RTTN: variants seen among roughly 807,000 people sequenced by gnomAD.
The protein encoded by RTTN is rotatin.
Under a neutral mutation model 269.2 loss-of-function variants are expected in RTTN, and 182 were observed. The observed-to-expected ratio is 0.68, with a 90% CI of 0.60 to 0.76. The LOEUF (loss-of-function observed/expected upper bound fraction) is 0.76. Among genes scored for constraint, RTTN ranks in the 30% least tolerant of loss-of-function variants. The pLI is 0.00. For missense variants in RTTN, 2,545 were observed against 2,608.6 expected, an observed-to-expected ratio of 0.98 and a Z score of 0.53; for synonymous variants, 1,006 against 963.5, an observed-to-expected ratio of 1.04 and a Z score of -0.82.
At chr18:70,104,197 T>C (rs2059258704) in intron 28 of RTTN, among the ~76,000 whole-genome samples, 2 of 152,234 alleles carry the variant, frequency 1.3e-5, no homozygotes, top group Admixed American at 6.5e-5. Context: ...CTTTTTATTC[T>C]TTTTTCTCTA....
At chr18:70,109,744 A>G (rs1205405849) in intron 27 of RTTN, 27 bp from the exon 28 acceptor site, 6 of 1,589,972 alleles carry the variant, frequency 3.8e-6, no homozygotes, top group Non-Finnish European at 4.3e-6. Flanking sequence ...GGGAAAATCA[A>G]CCACCAAGAA....
At chr18:70,005,408 A>AAAGAAAAG in intron 47 of RTTN, 141 bp from the exon 48 acceptor site, 1 of 529,126 alleles carries the variant, frequency 1.9e-6, no homozygotes, top group Non-Finnish European at 3.3e-6. Context: ...CCATCTTAGC[A>AAAGAAAAG]TAATACATCC....
chr18:70,138,813 T>G (rs1971947340), intron 21 of RTTN: 1 of 152,140 alleles, frequency 6.6e-6, no homozygotes, highest in South Asian at 2.1e-4. Context: ...ATAACATATT[T>G]TGAACATAAA....
intron 35 of RTTN, among the ~76,000 whole-genome samples, chr18:70,062,076 T>C (rs2058002950): frequency 6.6e-6 from 1 of 152,158 alleles, no homozygotes; most frequent in Non-Finnish European, 1.5e-5. Flanking sequence ...GTAACTAGAG[T>C]TCAATGCTTG....
At chr18:70,094,709 T>C (rs748019635) in intron 28 of RTTN, among the ~76,000 whole-genome samples, 8 of 152,174 alleles carry the variant, frequency 5.3e-5, no homozygotes, top group Non-Finnish European at 1.0e-4. Context: ...TCCAATTATG[T>C]GGTCAATTTT....
chr18:70,088,146 A>G lies in RTTN; in HGVS notation c.4145T>C (p.Val1382Ala). 1 of 1,600,178 alleles carries G rather than the reference A, an allele frequency of 6.2e-7. No homozygotes were observed. The highest frequency in any genetic ancestry group is 8.5e-7 in the Non-Finnish European group (1 of 1,173,712). The part of the protein sequence containing the change: ...IPLWVDRDPE[V>A]RFTSLGLGSA... ...TCCTAATCCCAGTGAAGTGAATCTC[A>G]CCTGTTCAAATTAAAGAGAAAGTTG... Residue 1382 changes from valine (V) to alanine (A), a missense_variant and splice_region_variant, in exon 31 of 49, where the codon GTG becomes GCG. Coordinates refer to ENST00000640769, the MANE Select transcript of RTTN (RefSeq NM_173630.4).
At chr18:70,118,003 C>A (rs928748180) in intron 26 of RTTN, among the ~76,000 whole-genome samples, 1 of 151,748 alleles carries the variant, frequency 6.6e-6, no homozygotes, top group South Asian at 2.1e-4. Flanking sequence ...GAAGGACATA[C>A]ATAACAATAA....
In RTTN at chr18:70,088,071, C is replaced by A; in HGVS notation, c.4220G>T (p.Cys1407Phe). 6.2e-7 allele frequency: 1 copy of A among 1,613,954 alleles called. No homozygotes were observed. Among genetic ancestry groups the A allele is most frequent in the Non-Finnish European group, 8.5e-7 (1 of 1,179,920 alleles). The change falls in exon 31 of 49, where the codon TGT becomes TTT. Residue 1407 changes from cysteine (C) to phenylalanine (F), a missense_variant. Physicochemically the swap from Cys to Phe is radical, Grantham distance 205. Coordinates refer to ENST00000640769, the MANE Select transcript of RTTN (RefSeq NM_173630.4). ...CCAGAGCCCACCGGAAATGTTCTGA[C>A]AACTGTTTGCTAAGGCCACACAGCC... is the stretch of plus-strand genomic sequence containing the variant. ...ETGCVALANS[C>F]QNISGGLWGT...
chr18:70,130,624 A>G (rs1310080291), intron 23 of RTTN: 3 of 151,842 alleles, frequency 2.0e-5, no homozygotes. Context: ...GATGATTACC[A>G]CAGGCTGTAA....
Position 70,134,544 on chromosome 18 carries a change from A to G in RTTN, c.2886-3T>C. The G allele has an allele frequency of 6.3e-7, 1 of 1,598,288 alleles. No homozygotes were observed. Among genetic ancestry groups the G allele is most frequent in the Non-Finnish European group, 8.5e-7 (1 of 1,173,742 alleles). On this transcript the variant is annotated splice_region_variant and splice_polypyrimidine_tract_variant and intron_variant, in intron 22 of 48. Transcript: ENST00000640769. ...GTTTATTGGAAGGATTAACAGACCT[A>G]TTTCATAAAAGAAAAACAAAAACAA...
At chr18:70,064,328 A>ACT (rs2058073767) in intron 35 of RTTN, among the ~76,000 whole-genome samples, 1 of 109,532 alleles carries the variant, frequency 9.1e-6, no homozygotes, top group African/African-American at 3.3e-5. Context: ...ACAGAGTGAG[A>ACT]CTGCCTCCAA....
At chr18:70,092,352 C>T in intron 29 of RTTN, 132 bp from the exon 30 acceptor site, 1 of 679,864 alleles carries the variant, frequency 1.5e-6, no homozygotes. Flanking sequence ...ATCCATTATT[C>T]AGCCAAAAAA....
intron 39 of RTTN, among the ~76,000 whole-genome samples, chr18:70,048,593 A>C (rs1303476819): frequency 6.6e-6 from 1 of 151,592 alleles, no homozygotes; most frequent in Non-Finnish European, 1.5e-5. Flanking sequence ...AATTGGATTT[A>C]TAATTTTGTT....
intron 7 of RTTN, among the ~76,000 whole-genome samples, chr18:70,195,491 GT>G (rs1364398955): frequency 1.3e-5 from 2 of 151,872 alleles, no homozygotes; most frequent in African/African-American, 4.8e-5. Context: ...ATGAAGCTAT[GT>G]TTACCCAACC....
intron 7 of RTTN, among the ~76,000 whole-genome samples, chr18:70,195,367 C>G (rs909709187): frequency 6.6e-6 from 1 of 152,204 alleles, no homozygotes; most frequent in African/African-American, 2.4e-5. Context: ...TCACATCACC[C>G]TTTTTATTTC....
At chr18:70,148,868 T>A (rs1055496181) in intron 17 of RTTN, 33 bp downstream of exon 17, 5 of 1,610,416 alleles carry the variant, frequency 3.1e-6, no homozygotes, top group Non-Finnish European at 4.2e-6. Flanking sequence ...TTTCCATCAA[T>A]CTTTGACGTT....
chr18:70,114,250 G>C (rs1352644434), intron 27 of RTTN, among the ~76,000 whole-genome samples, 195 bp downstream of exon 27: 2 of 151,982 alleles, frequency 1.3e-5, no homozygotes, highest in Non-Finnish European at 2.9e-5. Flanking sequence ...TAGTGAAAGA[G>C]ACCAAGCAGG....
intron 10 of RTTN, among the ~76,000 whole-genome samples, chr18:70,177,602 C>A (rs896940415): frequency 6.6e-6 from 1 of 151,594 alleles, no homozygotes; most frequent in Non-Finnish European, 1.5e-5. Flanking sequence ...TAAAAGGACA[C>A]CCTCAGTAAG....
intron 10 of RTTN, among the ~76,000 whole-genome samples, chr18:70,184,034 C>T (rs1297276172): frequency 6.6e-6 from 1 of 152,116 alleles, no homozygotes; most frequent in Non-Finnish European, 1.5e-5. Context: ...TCCCAAAGTG[C>T]TTCAGAACCC....
Sources: allele counts gnomAD v4.1 joint callset (sites outside exome capture counted in the v4.1 genomes callset), GRCh38; gene constraint gnomAD v4.1.1; transcripts MANE v1.5; gene names NCBI Gene and HGNC (gene_info 2026-07-23, HGNC 2026-07-21).